The following TMEM65 variants were observed in gnomAD, a reference collection of about 807,000 sequenced individuals.
TMEM65 encodes transmembrane protein 65.
In TMEM65, 22 loss-of-function variants were observed where a neutral mutation model predicts 25.4. That is an observed-to-expected ratio of 0.86 (90% CI 0.62 to 1.23). TMEM65 has a LOEUF of 1.23. TMEM65 is among the 50% of genes most tolerant of loss of function. TMEM65 has a pLI of 0.00. For missense variants in TMEM65, 262 were observed against 308.2 expected, an observed-to-expected ratio of 0.85 and a Z score of 1.12; for synonymous variants, 132 against 126.2, an observed-to-expected ratio of 1.05 and a Z score of -0.31.
rs750110942 is a variant in TMEM65 at position 124,320,096 on chromosome 8, C to A, written c.611G>T (p.Ser204Ile). ...KQVDMWQTRL[S>I]THLGKAVGVT... ...ATGTAAATTACTTACCAAATGTGTACTAAGACGTGTTTGCCACATGTCAAC... is the reference window on the plus strand; with the variant it reads ...ATGTAAATTACTTACCAAATGTGTAATAAGACGTGTTTGCCACATGTCAAC... Residue 204 changes from serine (S) to isoleucine (I), a missense_variant, in exon 6 of 7, where the codon AGT becomes ATT. Ser to Ile is a moderately radical substitution (Grantham distance 142, BLOSUM62 -2). Transcript: ENST00000297632. 6 of 1,612,522 alleles carry A rather than the reference C, an allele frequency of 3.7e-6. No individual in the cohort carries two copies. The African/African-American group carries it at 8.0e-5, about 22-fold the overall frequency.
chr8:124,347,474 T>C (rs1470171981), intron 1 of TMEM65, among the ~76,000 whole-genome samples: 1 of 152,130 alleles, frequency 6.6e-6, no homozygotes, highest in Non-Finnish European at 1.5e-5. Flanking sequence ...AAAAACTACC[T>C]ATTGGGCACA....
chr8:124,313,319 C>T lies in TMEM65; in HGVS notation c.*641G>A, dbSNP rs957966384. The T allele has an allele frequency of 2.6e-5, 4 of 151,910 alleles. No homozygotes were observed. Among genetic ancestry groups the T allele is most frequent in the African/African-American group, 9.6e-5 (4 of 41,498 alleles). 9.4% of individuals were successfully genotyped at this position (151,910 alleles called of 1,614,324 possible). A position where few individuals can be genotyped will look rare whatever the true frequency, so the allele number is the denominator to read the frequency against. ...ACACGGTTTCATGTAGCAGGGAGAC[C>T]ACATAATTGCTCTTTGTGATTAACC... On this transcript the variant is annotated 3_prime_UTR_variant, in exon 7 of 7. Transcript: ENST00000297632.
intron 1 of TMEM65, among the ~76,000 whole-genome samples, chr8:124,338,395 A>G (rs1001088712): frequency 6.6e-6 from 1 of 152,036 alleles, no homozygotes; most frequent in Non-Finnish European, 1.5e-5. Context: ...AAAGAGCAAC[A>G]GCAAGAGAGA....
rs1814376611 is a variant in TMEM65, at chr8:124,327,343, A to G, written c.417+11T>C. 6.3e-7 allele frequency: 1 copy of G among 1,583,836 alleles called. No individual in the cohort carries two copies. The highest frequency in any genetic ancestry group is 2.3e-5 in the East Asian group (1 of 43,984). ...GAACTCAAAATAGAAGCAGTGAGAG[A>G]AAGAACTTACAGCAACAATCATAAT... is the stretch of plus-strand genomic sequence containing the variant. On this transcript the variant is annotated intron_variant, in intron 3 of 6. Transcript: ENST00000297632.
At chr8:124,364,293 C>T (rs1156507890) in intron 1 of TMEM65, among the ~76,000 whole-genome samples, 1 of 152,138 alleles carries the variant, frequency 6.6e-6, no homozygotes, top group African/African-American at 2.4e-5. Flanking sequence ...GACCTCCTTA[C>T]ACAGCAGAAA....
intron 1 of TMEM65, among the ~76,000 whole-genome samples, chr8:124,349,230 T>G (rs774770121): frequency 1.2e-4 from 19 of 152,218 alleles, no homozygotes; most frequent in Non-Finnish European, 2.5e-4. Flanking sequence ...CACTGGTTAT[T>G]CATTAGTATT....
rs1183052388 is a variant in TMEM65 at position 124,307,029 on chromosome 8, CAT to C, written c.*6929_*6930del. 6.6e-6 allele frequency: 1 copy of C among 151,984 alleles called. No individual in the cohort carries two copies. Among genetic ancestry groups the C allele is most frequent in the Non-Finnish European group, 1.5e-5 (1 of 68,004 alleles). The allele number at this position is 151,984 out of a possible 1,614,324, so 9.4% of individuals were successfully genotyped here. Reference sequence around the variant, plus strand: ...TGGAGCCATTTGCAGTTGAGACAAACATAAAGATGCAGTACTAAATTACAACT... The same window carrying C: ...TGGAGCCATTTGCAGTTGAGACAAACAAAGATGCAGTACTAAATTACAACT... On this transcript the variant is annotated 3_prime_UTR_variant, in exon 7 of 7. Transcript: ENST00000297632.
intron 1 of TMEM65, among the ~76,000 whole-genome samples, chr8:124,348,033 G>A (rs966388633): frequency 3.9e-5 from 5 of 128,730 alleles, no homozygotes; most frequent in African/African-American, 1.6e-4. Context: ...TGGGGTTACA[G>A]GCAGTAGCCA....
intron 1 of TMEM65, among the ~76,000 whole-genome samples, chr8:124,363,915 G>C (rs1814906891): frequency 6.8e-6 from 1 of 147,212 alleles, no homozygotes; most frequent in South Asian, 2.2e-4. Context: ...TAGCCAGTAG[G>C]TAATCTAGAG....
chr8:124,328,131 G>A (rs113090050), intron 2 of TMEM65, among the ~76,000 whole-genome samples: 1 of 152,012 alleles, frequency 6.6e-6, no homozygotes, highest in African/African-American at 2.4e-5. Context: ...TATTAGAAGT[G>A]TAACTAGGTC....
At chr8:124,358,073 A>T (rs1814808184) in intron 1 of TMEM65, among the ~76,000 whole-genome samples, 1 of 152,010 alleles carries the variant, frequency 6.6e-6, no homozygotes, top group African/African-American at 2.4e-5. Flanking sequence ...CAGGTGATCC[A>T]TCCACCTTGG....
intron 6 of TMEM65, among the ~76,000 whole-genome samples, chr8:124,314,505 A>G (rs987571208): frequency 3.3e-5 from 5 of 152,256 alleles, no homozygotes; most frequent in Admixed American, 2.0e-4. Context: ...GTGCATCTTC[A>G]TGAAGCATTC....
chr8:124,330,803 G>T lies in TMEM65; in HGVS notation c.305-11C>A. 1 of 1,578,442 alleles carries T rather than the reference G, an allele frequency of 6.3e-7. No homozygotes were observed. The highest frequency in any genetic ancestry group is 1.2e-5 in the South Asian group (1 of 86,308). ...GAGCTTCCAATTTTTCTAAAGGGGA[G>T]AAAAAGGATGTGGGGCAAGAATTAG... On this transcript the variant is annotated splice_polypyrimidine_tract_variant and intron_variant, in intron 1 of 6. Transcript: ENST00000297632.
intron 1 of TMEM65, among the ~76,000 whole-genome samples, chr8:124,340,300 C>T (rs1814569390): frequency 6.6e-6 from 1 of 152,008 alleles, no homozygotes; most frequent in African/African-American, 2.4e-5. Flanking sequence ...TGATGTATAT[C>T]TATATATGTG....
rs764466489 is a variant in TMEM65, at chr8:124,371,295, A to ATCAG, written c.304+555_304+558dup. ...TCCTTTGGCTGCTGAAATTAACGCA[A>ATCAG]TCAGACATGTGTGGAAACAAGCAGC... is the stretch of plus-strand genomic sequence containing the variant. On this transcript the variant is annotated intron_variant, in intron 1 of 6. Transcript: ENST00000297632. 2.1e-4 allele frequency among the ~76,000 whole-genome samples: 32 copies of ATCAG among 152,200 alleles called. 1 individual carries two copies. Among genetic ancestry groups the ATCAG allele is most frequent in the Non-Finnish European group, 1.2e-4 (8 of 68,034 alleles).
intron 1 of TMEM65, among the ~76,000 whole-genome samples, chr8:124,369,577 C>T (rs1409161366): frequency 6.6e-6 from 1 of 152,124 alleles, no homozygotes; most frequent in East Asian, 1.9e-4. Context: ...CACAATACAT[C>T]GGTTGAGTAC....
rs1814163082 is a variant in TMEM65, at chr8:124,311,695, G to T, written c.*2265C>A. On this transcript the variant is annotated 3_prime_UTR_variant, in exon 7 of 7. Coordinates refer to ENST00000297632, the MANE Select transcript of TMEM65 (RefSeq NM_194291.3). ...TCATATGAAGTCATTATCTTAAAAA[G>T]AACCATTCTTCAGAAATCACTTTGT... The T allele has an allele frequency of 6.6e-6, 1 of 152,096 alleles. No individual in the cohort carries two copies. Among genetic ancestry groups the T allele is most frequent in the Non-Finnish European group, 1.5e-5 (1 of 67,964 alleles). The allele number at this position is 152,096 out of a possible 1,614,324, so 9.4% of individuals were successfully genotyped here. A position where few individuals can be genotyped will look rare whatever the true frequency, so the allele number is the denominator to read the frequency against.
intron 1 of TMEM65, among the ~76,000 whole-genome samples, chr8:124,333,439 A>T (rs1190948095): frequency 6.6e-6 from 1 of 150,612 alleles, no homozygotes; most frequent in East Asian, 2.0e-4. Context: ...TATGGAGTTA[A>T]AACAGTTCTT....
rs1814185095 is a variant in TMEM65, at chr8:124,313,071, CA to C, written c.*888del. On this transcript the variant is annotated 3_prime_UTR_variant, in exon 7 of 7. Coordinates refer to ENST00000297632, the MANE Select transcript of TMEM65 (RefSeq NM_194291.3). The stretch of plus-strand genomic sequence containing the variant: ...TCATTTATACCATAAACCTTCTTGA[CA>C]GTTCCTATTTTCCACCTTTTTTTAA... 6.6e-6 allele frequency: 1 copy of C among 151,682 alleles called. No individual in the cohort carries two copies. Among genetic ancestry groups the C allele is most frequent in the African/African-American group, 2.4e-5 (1 of 41,360 alleles). The allele number at this position is 151,682 out of a possible 1,614,324, so 9.4% of individuals were successfully genotyped here.
Sources: allele counts gnomAD v4.1 joint callset (sites outside exome capture counted in the v4.1 genomes callset), GRCh38; gene constraint gnomAD v4.1.1; transcripts MANE v1.5; gene names NCBI Gene and HGNC (gene_info 2026-07-23, HGNC 2026-07-21).